FGGY: variants seen among roughly 807,000 people sequenced by gnomAD.
FGGY encodes the protein FGGY carbohydrate kinase domain containing.
Under a neutral mutation model 71.3 loss-of-function variants are expected in FGGY, and 72 were observed. That is an observed-to-expected ratio of 1.01 (90% confidence interval 0.84 to 1.23). The LOEUF (loss-of-function observed/expected upper bound fraction) is 1.23. Ranked by LOEUF, FGGY falls within the 50% of genes most tolerant of loss-of-function variation. The probability of loss-of-function intolerance (pLI) is 0.00; values close to 1 mark genes in which losing one functional copy is unlikely to be tolerated. For missense variants in FGGY, 668 were observed against 682.3 expected (o/e 0.98, Z 0.23); for synonymous variants, 251 against 250.3 (o/e 1.00, Z -0.02).
chr1:59,650,102 A>C (rs2097142081), intron 11 of FGGY, among the ~76,000 whole-genome samples: 1 of 148,496 alleles, frequency 6.7e-6, no homozygotes, highest in South Asian at 2.1e-4. Context: ...GATGAAGCCC[A>C]CTTGATCATG....
intron 4 of FGGY, among the ~76,000 whole-genome samples, chr1:59,363,855 G>GT (rs1271558336): frequency 6.6e-6 from 1 of 152,192 alleles, no homozygotes; most frequent in Non-Finnish European, 1.5e-5. Context: ...ATAAGGAAGA[G>GT]TTTAAGTTGT....
At chr1:59,562,938 A>T (rs1023271243) in intron 8 of FGGY, among the ~76,000 whole-genome samples, 4 of 152,348 alleles carry the variant, frequency 2.6e-5, no homozygotes, top group African/African-American at 9.6e-5. Flanking sequence ...CAGAAAAAAG[A>T]TCGATTTTGT....
At chr1:59,587,146 C>T (rs1440564782) in intron 8 of FGGY, among the ~76,000 whole-genome samples, 11 of 152,192 alleles carry the variant, frequency 7.2e-5, no homozygotes, top group African/African-American at 2.2e-4. Context: ...GATTATATCC[C>T]GCACCTGGCT....
At chr1:59,706,324 C>A (rs1180698800) in intron 14 of FGGY, among the ~76,000 whole-genome samples, 1 of 152,172 alleles carries the variant, frequency 6.6e-6, no homozygotes, top group Non-Finnish European at 1.5e-5. Flanking sequence ...AGGCCTGGAG[C>A]AAGTTTCTTA....
At chr1:59,720,528 G>A (rs967773175) in intron 14 of FGGY, among the ~76,000 whole-genome samples, 6 of 152,160 alleles carry the variant, frequency 3.9e-5, no homozygotes, top group Admixed American at 6.5e-5. Context: ...TTTTATATAT[G>A]TATATATTAA....
chr1:59,477,765 A>G (rs2093325570), intron 6 of FGGY, among the ~76,000 whole-genome samples: 1 of 152,108 alleles, frequency 6.6e-6, no homozygotes, highest in African/African-American at 2.4e-5. Context: ...TACGATGTTT[A>G]TTAATACTTC....
chr1:59,375,297 A>G (rs1440977738), intron 4 of FGGY, among the ~76,000 whole-genome samples: 1 of 151,812 alleles, frequency 6.6e-6, no homozygotes. Flanking sequence ...ACAAACAAAA[A>G]AAAACTGCAT....
intron 14 of FGGY, among the ~76,000 whole-genome samples, chr1:59,692,365 GC>G (rs1460184177): frequency 3.3e-5 from 5 of 152,110 alleles, no homozygotes; most frequent in Non-Finnish European, 4.4e-5. Context: ...AAATTACTCT[GC>G]CCGTTAGGCT....
intron 7 of FGGY, among the ~76,000 whole-genome samples, chr1:59,532,501 T>C (rs1201067336): frequency 6.6e-6 from 1 of 152,210 alleles, no homozygotes; most frequent in South Asian, 2.1e-4. Context: ...AGAACTCAAG[T>C]GAGTTATTTT....
At chr1:59,581,904 CA>C (rs1182016670) in intron 8 of FGGY, among the ~76,000 whole-genome samples, 1 of 149,784 alleles carries the variant, frequency 6.7e-6, no homozygotes, top group Non-Finnish European at 1.5e-5. Flanking sequence ...GTTTAGCTAT[CA>C]ACTCTGTAAT....
At chr1:59,637,949 G>T (rs2096978203) in intron 10 of FGGY, among the ~76,000 whole-genome samples, 2 of 152,152 alleles carry the variant, frequency 1.3e-5, no homozygotes, top group South Asian at 4.1e-4. Flanking sequence ...GAAGAGGGTG[G>T]TTCAGAAAGT....
intron 7 of FGGY, among the ~76,000 whole-genome samples, chr1:59,519,382 A>G (rs2094758417): frequency 6.6e-6 from 1 of 152,346 alleles, no homozygotes; most frequent in Admixed American, 6.5e-5. Context: ...AGTAAAGAAA[A>G]TAGACAAGTA....
chr1:59,657,970 A>T (rs1374557263), intron 11 of FGGY, among the ~76,000 whole-genome samples: 1 of 152,222 alleles, frequency 6.6e-6, no homozygotes, highest in Non-Finnish European at 1.5e-5. Flanking sequence ...CTGTACTTGT[A>T]GAATTTAACA....
intron 8 of FGGY, among the ~76,000 whole-genome samples, chr1:59,606,332 T>C (rs2096623059): frequency 6.6e-6 from 1 of 152,124 alleles, no homozygotes; most frequent in South Asian, 2.1e-4. Context: ...CTCTGTACCC[T>C]TCCACTTGTC....
rs547595313 is a variant in FGGY, at chr1:59,453,161, C to T, written c.555-3800C>T. ...CCAGTTCTGCTGCTTAATAGCACGTCCATATTACCCATCAGTTTGATTTAA... is the reference window on the plus strand; with the variant it reads ...CCAGTTCTGCTGCTTAATAGCACGTTCATATTACCCATCAGTTTGATTTAA... On this transcript the variant is annotated intron_variant, in intron 5 of 15. Coordinates refer to ENST00000303721, the MANE Select transcript of FGGY (RefSeq NM_018291.5). Among the ~76,000 whole-genome samples, 5 of 152,288 alleles carry T rather than the reference C, an allele frequency of 3.3e-5. No homozygotes were observed. In the East Asian group the frequency reaches 7.7e-4, roughly 24 times the overall value.
intron 6 of FGGY, among the ~76,000 whole-genome samples, chr1:59,487,264 T>C (rs2093684686): frequency 1.3e-5 from 2 of 152,224 alleles, no homozygotes. Flanking sequence ...AATTTCTCTC[T>C]GCATCTCCTT....
chr1:59,441,292 T>C (rs1324410127), intron 5 of FGGY, among the ~76,000 whole-genome samples: 1 of 152,194 alleles, frequency 6.6e-6, no homozygotes, highest in Admixed American at 6.5e-5. Flanking sequence ...GTGGTTTTGC[T>C]TCTAACTGTG....
intron 11 of FGGY, among the ~76,000 whole-genome samples, chr1:59,646,816 A>G (rs1311161319): frequency 1.3e-5 from 2 of 152,210 alleles, no homozygotes; most frequent in African/African-American, 4.8e-5. Flanking sequence ...GAACCAGTCA[A>G]TTCAAACCTG....
intron 1 of FGGY, chr1:59,310,242 A>T (rs1480303220): frequency 2.0e-5 from 3 of 152,230 alleles, no homozygotes; most frequent in Non-Finnish European, 2.9e-5. Flanking sequence ...ATTTCGGCCA[A>T]TATGCTGATG....
Sources: gnomAD v4.1 joint callset for allele counts (sites outside exome capture counted in the v4.1 genomes callset) on GRCh38, gnomAD v4.1.1 for gene constraint, MANE v1.5 for transcripts, NCBI Gene and HGNC (gene_info 2026-07-23, HGNC 2026-07-21) for gene names.